ARHGEF1: variants seen among roughly 807,000 people sequenced by gnomAD.
ARHGEF1 encodes 115 kDa guanine nucleotide exchange factor.
A neutral mutation model predicts 119.7 loss-of-function variants in ARHGEF1; 40 were observed. The observed-to-expected ratio is 0.33, with a 90% CI of 0.26 to 0.44. The LOEUF (loss-of-function observed/expected upper bound fraction) is 0.44, where lower values mean the gene tolerates loss of function less well. ARHGEF1 is among the 20% of genes least tolerant of loss of function. ARHGEF1 has a pLI of 1.00. For missense variants in ARHGEF1, 976 were observed against 1,268.3 expected (o/e 0.77, Z 3.50); for synonymous variants, 494 against 521.0 (o/e 0.95, Z 0.71).
intron 18 of ARHGEF1, among the ~76,000 whole-genome samples, chr19:41,914,993 G>C (rs1274698325): frequency 2.5e-4 from 18 of 71,968 alleles, no homozygotes; most frequent in South Asian, 5.9e-4. Flanking sequence ...CAGCATCTCT[G>C]TCTCTCCTGT....
At chr19:41,890,369 G>T (rs1363788928) in intron 4 of ARHGEF1, 2 of 150,920 alleles carry the variant, frequency 1.3e-5, no homozygotes, top group Non-Finnish European at 2.9e-5. Context: ...AAGTGGGGCC[G>T]GGCATGGTGG....
chr19:41,903,413 C>G lies in ARHGEF1; in HGVS notation c.1839+6C>G. The G allele has an allele frequency of 6.2e-7, 1 of 1,613,510 alleles. No homozygotes were observed. The highest frequency in any genetic ancestry group is 1.1e-5 in the South Asian group (1 of 91,064). ...GTGACATGGAGGACCTGCTGGTGAG[C>G]CTGGGCTGGCCCCACACCCGGGACA... On this transcript the variant is annotated splice_donor_region_variant and intron_variant, in intron 19 of 28. Transcript: ENST00000354532. The surrounding 1 kb of genome is among the most constrained non-coding windows in gnomAD (Gnocchi z 4.2).
In ARHGEF1 at chr19:41,892,563, C is replaced by G; in HGVS notation, c.368-40C>G. The G allele has an allele frequency of 6.4e-7, 1 of 1,565,824 alleles. No individual in the cohort carries two copies. Among genetic ancestry groups the G allele is most frequent in the Non-Finnish European group, 8.7e-7 (1 of 1,151,240 alleles). ...TGGGTGGGGACCGTGGTCCAAGCCA[C>G]CAGGGAGCTGGACCCTAGCCCCCAT... On this transcript the variant is annotated intron_variant, in intron 6 of 28. Transcript: ENST00000354532. The surrounding 1 kb of genome is among the most constrained non-coding windows in gnomAD (Gnocchi z 6.3).
At chr19:41,899,273 GCCACCAGGC>G (rs1404079028) in intron 14 of ARHGEF1, among the ~76,000 whole-genome samples, 8 of 152,102 alleles carry the variant, frequency 5.3e-5, no homozygotes, top group Non-Finnish European at 1.2e-4. Context: ...ACAAGTGTGA[GCCACCAGGC>G]CCAGTCAAGG....
rs368966748 is a variant in ARHGEF1 at position 41,905,135 on chromosome 19, G to C, written c.2250-40G>C. 6.2e-7 allele frequency: 1 copy of C among 1,611,670 alleles called. No homozygotes were observed. Among genetic ancestry groups the C allele is most frequent in the Admixed American group, 1.7e-5 (1 of 59,996 alleles). On this transcript the variant is annotated intron_variant, in intron 23 of 28. Coordinates refer to ENST00000354532, the MANE Select transcript of ARHGEF1 (RefSeq NM_004706.4). This position sits in a 1 kb window ranked among gnomAD's most constrained non-coding sequence, Gnocchi z 6.4. ...GTGGGGAGGCCCTGGCATAGGGTCT[G>C]GGGGCTCTGACTGCCCAGGGATTTG...
chr19:41,909,598 C>T, downstream of ARHGEF1: 4 of 845,682 alleles, frequency 4.7e-6, no homozygotes, highest in South Asian at 2.7e-5. The surrounding 1 kb of genome is among the most constrained non-coding windows in gnomAD (Gnocchi z 5.2). Context: ...AACTGAGGCT[C>T]ACAGAAGTCC....
chr19:41,897,283 C>G, intron 13 of ARHGEF1: 1 of 1,279,660 alleles, frequency 7.8e-7, no homozygotes, highest in Non-Finnish European at 1.0e-6. Context: ...CCATCTGGGC[C>G]CACCTCTGAC....
rs1401601975 is a variant in ARHGEF1, at chr19:41,888,553, T to C, written c.112-199T>C. Among the ~76,000 whole-genome samples the C allele has an allele frequency of 6.6e-6, 1 of 152,182 alleles. No individual in the cohort carries two copies. The highest frequency in any genetic ancestry group is 1.5e-5 in the Non-Finnish European group (1 of 68,030). On this transcript the variant is annotated intron_variant, in intron 3 of 28. Transcript: ENST00000354532. This position sits in a 1 kb window ranked among gnomAD's most constrained non-coding sequence, Gnocchi z 5.1. Reference sequence around the variant, plus strand: ...TAATTTCTGTCCTCATCATCCACCATTATAATATTAAGTCTCATCCATTCT... The same window carrying C: ...TAATTTCTGTCCTCATCATCCACCACTATAATATTAAGTCTCATCCATTCT...
intron 12 of ARHGEF1, among the ~76,000 whole-genome samples, chr19:41,895,785 A>G (rs148545763): frequency 3.3e-5 from 5 of 151,966 alleles, no homozygotes; most frequent in African/African-American, 1.2e-4. Flanking sequence ...CCCTGAGTAC[A>G]TGACCAGTCC....
In ARHGEF1 at chr19:41,905,722, C is replaced by T; in HGVS notation, c.2337-38C>T. The T allele has an allele frequency of 2.5e-6, 4 of 1,610,430 alleles. No individual in the cohort carries two copies. The highest frequency in any genetic ancestry group is 3.4e-6 in the Non-Finnish European group (4 of 1,177,668). On this transcript the variant is annotated intron_variant, in intron 24 of 28. Transcript: ENST00000354532. This position sits in a 1 kb window ranked among gnomAD's most constrained non-coding sequence, Gnocchi z 6.4. The stretch of plus-strand genomic sequence containing the variant: ...TCCCTGCCCCTGCGGCCCCCCAGGG[C>T]CAGGGGTGTGGGGTCACCCAGCACT...
In ARHGEF1 at chr19:41,903,975, C is replaced by T; in HGVS notation, c.1918-60C>T. The stretch of plus-strand genomic sequence containing the variant: ...CGGCCACTGCCCTGCCCTTCCCCTC[C>T]CCACCAACCCCAATCACCCCCTGCC... On this transcript the variant is annotated intron_variant, in intron 20 of 28. Transcript: ENST00000354532. The surrounding 1 kb of genome is among the most constrained non-coding windows in gnomAD (Gnocchi z 4.2). 1 of 1,532,634 alleles carries T rather than the reference C, an allele frequency of 6.5e-7. No individual in the cohort carries two copies. The highest frequency in any genetic ancestry group is 9.0e-7 in the Non-Finnish European group (1 of 1,108,384). The allele number at this position is 1,532,634 out of a possible 1,614,324, so 94.9% of individuals were successfully genotyped here. A position where few individuals can be genotyped will look rare whatever the true frequency, so the allele number is the denominator to read the frequency against.
chr19:41,905,494 C>A lies in ARHGEF1; in HGVS notation c.2336+233C>A. 1.6e-6 allele frequency: 1 copy of A among 612,466 alleles called. No homozygotes were observed. The highest frequency in any genetic ancestry group is 2.9e-6 in the Non-Finnish European group (1 of 347,334). 37.9% of individuals were successfully genotyped at this position (612,466 alleles called of 1,614,324 possible). ...TGTGCGTGTATGGTGTGTGTGTATG[C>A]ATATGTGTGCATGCGTGTGACAGCA... On this transcript the variant is annotated intron_variant, in intron 24 of 28. Transcript: ENST00000354532. This position sits in a 1 kb window ranked among gnomAD's most constrained non-coding sequence, Gnocchi z 6.4.
chr19:41,905,390 C>T lies in ARHGEF1; in HGVS notation c.2336+129C>T. 1 of 807,712 alleles carries T rather than the reference C, an allele frequency of 1.2e-6. No homozygotes were observed. The highest frequency in any genetic ancestry group is 1.7e-5 in the South Asian group (1 of 58,090). 50.0% of individuals were successfully genotyped at this position (807,712 alleles called of 1,614,324 possible). ...ATGTGTGAATGCATGTGTGTGCATA[C>T]ATGTGTGTCTGTACGCAAGTATGTG... is the stretch of plus-strand genomic sequence containing the variant. On this transcript the variant is annotated intron_variant, in intron 24 of 28. Coordinates refer to ENST00000354532, the MANE Select transcript of ARHGEF1 (RefSeq NM_004706.4). This position sits in a 1 kb window ranked among gnomAD's most constrained non-coding sequence, Gnocchi z 6.4.
chr19:41,926,747 T>A (rs2074873683), intron 1 of ARHGEF1, among the ~76,000 whole-genome samples: 1 of 151,986 alleles, frequency 6.6e-6, no homozygotes, highest in Admixed American at 6.5e-5. Flanking sequence ...CGTTTAGCCG[T>A]GATAGATCCG....
intron 13 of ARHGEF1, chr19:41,897,281 G>A: frequency 7.8e-7 from 1 of 1,280,682 alleles, no homozygotes; most frequent in Middle Eastern, 2.2e-4. Flanking sequence ...TTCCATCTGG[G>A]CCCACCTCTG....
rs539720802 is a variant in ARHGEF1 at position 41,894,881 on chromosome 19, G to T, written c.877+220G>T. The stretch of plus-strand genomic sequence containing the variant: ...TGGGCCTGGACCCCTGGGTCTGAGG[G>T]AGGAGGGACTGGGCCTGGACCCCTG... On this transcript the variant is annotated intron_variant, in intron 11 of 28. Transcript: ENST00000354532. 2.9e-4 allele frequency among the ~76,000 whole-genome samples: 31 copies of T among 107,842 alleles called. No individual in the cohort carries two copies. In the African/African-American group the frequency reaches 3.7e-3, roughly 13 times the overall value. 70.7% of individuals were successfully genotyped at this position (107,842 alleles called of 152,430 possible).
chr19:41,926,257 AG>A (rs2074869909), intron 1 of ARHGEF1, among the ~76,000 whole-genome samples: 1 of 151,266 alleles, frequency 6.6e-6, no homozygotes, highest in South Asian at 2.1e-4. Context: ...GGCAGGTGTG[AG>A]GGGGACAAGT....
intron 1 of ARHGEF1, among the ~76,000 whole-genome samples, chr19:41,927,476 T>C (rs942639417): frequency 1.3e-5 from 2 of 151,846 alleles, no homozygotes; most frequent in Admixed American, 6.6e-5. Flanking sequence ...AAGTCCAAAC[T>C]CCTATGCTGA....
chr19:41,898,297 C>A, intron 13 of ARHGEF1, 145 bp from the exon 14 acceptor site: 1 of 1,361,134 alleles, frequency 7.3e-7, no homozygotes, highest in Non-Finnish European at 9.9e-7. Flanking sequence ...TAGTGTGGTC[C>A]GATCTAGAGA....
Sources: allele counts gnomAD v4.1 joint callset (sites outside exome capture counted in the v4.1 genomes callset), GRCh38; gene constraint gnomAD v4.1.1; non-coding constraint Gnocchi (gnomAD v3.1); transcripts MANE v1.5; gene names NCBI Gene and HGNC (gene_info 2026-07-23, HGNC 2026-07-21).